Variants in EYS observed in about 807,000 individuals in gnomAD.
EYS encodes the protein EGF-like photoreceptor maintenance factor, also known as protein eyes shut homolog.
Under a neutral mutation model 282.1 loss-of-function variants are expected in EYS, and 250 were observed. The ratio of observed to expected loss-of-function variants is 0.89; its 90% CI spans 0.80 to 0.98. The LOEUF (loss-of-function observed/expected upper bound fraction) is 0.98. EYS is among the 50% of genes least tolerant of loss of function. The probability of loss-of-function intolerance (pLI) is 0.00; values close to 1 mark genes in which losing one functional copy is unlikely to be tolerated. For synonymous variants in EYS, 1,355 were observed against 1,282.9 expected, an observed-to-expected ratio of 1.06 and a Z score of -1.20; for missense variants, 4,016 against 3,709.0, an observed-to-expected ratio of 1.08 and a Z score of -2.15.
chr6:64,663,837 T>G (rs1026947074), intron 22 of EYS, among the ~76,000 whole-genome samples: 1 of 152,118 alleles, frequency 6.6e-6, no homozygotes, highest in Non-Finnish European at 1.5e-5. Context: ...GAATAGAACC[T>G]TGGGCCATGC....
chr6:64,271,535 AG>A (rs1767938765), intron 30 of EYS, among the ~76,000 whole-genome samples: 1 of 152,152 alleles, frequency 6.6e-6, no homozygotes, highest in Non-Finnish European at 1.5e-5. Flanking sequence ...ATGAAGTTAT[AG>A]AGAGAGCCTC....
intron 30 of EYS, among the ~76,000 whole-genome samples, chr6:64,274,160 C>T (rs143273099): frequency 6.6e-5 from 10 of 152,298 alleles, no homozygotes; most frequent in African/African-American, 2.4e-4. Flanking sequence ...ACTTAATCTG[C>T]TCTACTCCCT....
In EYS at chr6:63,972,281, C is replaced by T. The variant is rs1217173163; in HGVS notation, c.7055+12102G>A. Among the ~76,000 whole-genome samples, 4 of 152,042 alleles carry T rather than the reference C, an allele frequency of 2.6e-5. No individual in the cohort carries two copies. In the East Asian group the frequency reaches 7.7e-4, roughly 29 times the overall value. On this transcript the variant is annotated intron_variant, in intron 35 of 42. Transcript: ENST00000503581. ...AATTTCTCCTTACCTGCCTCTTTTT[C>T]CCCAAGGAATGCTTATTACTATACT...
chr6:65,478,672 A>G (rs920217796), intron 5 of EYS, among the ~76,000 whole-genome samples: 12 of 152,162 alleles, frequency 7.9e-5, no homozygotes, highest in Non-Finnish European at 1.6e-4. Flanking sequence ...ATGCCTAATT[A>G]TACATAATTG....
intron 14 of EYS, among the ~76,000 whole-genome samples, chr6:64,978,937 G>A (rs1264665481): frequency 2.0e-5 from 3 of 151,820 alleles, no homozygotes; most frequent in South Asian, 2.1e-4. Flanking sequence ...CAAAGAAAGC[G>A]GTTTCTTGAA....
chr6:65,672,704 A>C (rs1041587437), intron 1 of EYS, among the ~76,000 whole-genome samples: 5 of 152,176 alleles, frequency 3.3e-5, no homozygotes, highest in African/African-American at 1.2e-4. Context: ...ACCATTGTAA[A>C]GATGCTCAAT....
chr6:64,656,964 TC>T (rs1227158609), intron 22 of EYS, among the ~76,000 whole-genome samples: 4 of 152,150 alleles, frequency 2.6e-5, no homozygotes, highest in African/African-American at 9.7e-5. Flanking sequence ...ATTATCAGTC[TC>T]CCATTATTAT....
chr6:64,557,478 C>A (rs1183268448), intron 26 of EYS, among the ~76,000 whole-genome samples: 1 of 151,740 alleles, frequency 6.6e-6, no homozygotes, highest in East Asian at 1.9e-4. Flanking sequence ...TCTTATTTCC[C>A]AAGTAAGATT....
chr6:64,796,325 G>C (rs1229745241), intron 22 of EYS, among the ~76,000 whole-genome samples: 1 of 152,076 alleles, frequency 6.6e-6, no homozygotes, highest in Admixed American at 6.6e-5. Context: ...AGGGGTTGTA[G>C]AATAAGTAGC....
At chr6:64,774,084 T>C (rs1381855570) in intron 22 of EYS, among the ~76,000 whole-genome samples, 1 of 151,942 alleles carries the variant, frequency 6.6e-6, no homozygotes, top group East Asian at 1.9e-4. Context: ...CCTTATGAAT[T>C]ACCTTTCATT....
chr6:65,006,251 T>C (rs1381635551), intron 13 of EYS, among the ~76,000 whole-genome samples: 3 of 150,268 alleles, frequency 2.0e-5, no homozygotes, highest in African/African-American at 7.3e-5. Context: ...GAAAAAGATA[T>C]TAATAGTTAA....
rs570856597 is a variant in EYS at position 64,529,571 on chromosome 6, C to G, written c.5644+60652G>C. Among the ~76,000 whole-genome samples, 31 of 150,150 alleles carry G rather than the reference C, an allele frequency of 2.1e-4. No individual in the cohort carries two copies. The South Asian group carries it at 6.1e-3, about 30-fold the overall frequency. On this transcript the variant is annotated intron_variant, in intron 26 of 42. Coordinates refer to ENST00000503581, the MANE Select transcript of EYS (RefSeq NM_001142800.2). ...CTAGTTCAACATTTAATGGACATCTCTTATGTGTCACCAACTATAAGAATT... is the reference window on the plus strand; with the variant it reads ...CTAGTTCAACATTTAATGGACATCTGTTATGTGTCACCAACTATAAGAATT...
rs370950248 is a variant in EYS, at chr6:64,997,740, C to T, written c.2138-37G>A. ...AGAAAAGAGAAAACTCTTAACATTC[C>T]TTTAACCTTAGTACAGGTAATTATA... On this transcript the variant is annotated intron_variant, in intron 13 of 42. Coordinates refer to ENST00000503581, the MANE Select transcript of EYS (RefSeq NM_001142800.2). The T allele has an allele frequency of 4.7e-5, 73 of 1,544,894 alleles. No individual in the cohort carries two copies. The African/African-American group carries it at 9.3e-4, about 20-fold the overall frequency.
At chr6:64,679,758 A>G (rs1394869437) in intron 22 of EYS, among the ~76,000 whole-genome samples, 2 of 152,002 alleles carry the variant, frequency 1.3e-5, no homozygotes, top group Non-Finnish European at 2.9e-5. Context: ...CATTTTAATT[A>G]TTTTTTCTTT....
At chr6:65,686,284 T>C (rs1280077394) in intron 1 of EYS, among the ~76,000 whole-genome samples, 5 of 152,068 alleles carry the variant, frequency 3.3e-5, no homozygotes, top group African/African-American at 9.7e-5. Context: ...GAGCCCTTAA[T>C]TGATACTGAT....
intron 31 of EYS, among the ~76,000 whole-genome samples, chr6:64,120,919 T>G (rs948676372): frequency 9.9e-5 from 15 of 152,178 alleles, no homozygotes; most frequent in African/African-American, 3.6e-4. Flanking sequence ...ACAATCTACT[T>G]CCAAGCTCAC....
At position 64,300,057 on chromosome 6, in the gene EYS, G is replaced by T. The variant is rs192834415; in HGVS notation, c.6191+6913C>A. 1.9e-3 allele frequency among the ~76,000 whole-genome samples: 282 copies of T among 152,300 alleles called. 2 individuals carry two copies. In the South Asian group the frequency reaches 0.021, roughly 11 times the overall value. On this transcript the variant is annotated intron_variant, in intron 30 of 42. Transcript: ENST00000503581. ...AAGACAAGGGATACCCTAGTTATGG[G>T]ACCCTATCTTAGGCAAGTGGCATTA...
At chr6:64,059,909 G>A (rs1422980325) in intron 33 of EYS, among the ~76,000 whole-genome samples, 1 of 152,072 alleles carries the variant, frequency 6.6e-6, no homozygotes, top group South Asian at 2.1e-4. Flanking sequence ...CTCATATTGA[G>A]CTTGAGTTTT....
At chr6:63,949,409 T>G (rs2149763796) in intron 35 of EYS, among the ~76,000 whole-genome samples, 1 of 152,300 alleles carries the variant, frequency 6.6e-6, no homozygotes, top group Non-Finnish European at 1.5e-5. Flanking sequence ...TCTCTTTGCC[T>G]GGGTAGCTTT....
Sources: gnomAD v4.1 joint callset for allele counts (sites outside exome capture counted in the v4.1 genomes callset) on GRCh38, gnomAD v4.1.1 for gene constraint, MANE v1.5 for transcripts, NCBI Gene and HGNC (gene_info 2026-07-23, HGNC 2026-07-21) for gene names.